NCAM1: variants seen among roughly 807,000 people sequenced by gnomAD.
NCAM1 encodes antigen recognized by monoclonal antibody 5.1H11.
In NCAM1, 14 loss-of-function variants were observed where a neutral mutation model predicts 109.8. The observed-to-expected ratio is 0.13, with a 90% CI of 0.08 to 0.20. NCAM1 has a LOEUF of 0.20. NCAM1 is among the 10% of genes least tolerant of loss of function. The pLI is 1.00. For missense variants in NCAM1, 774 were observed against 1,109.9 expected (o/e 0.70, Z 4.30); for synonymous variants, 418 against 442.9 (o/e 0.94, Z 0.70).
chr11:113,216,395 G>A (rs1270298056), intron 8 of NCAM1, among the ~76,000 whole-genome samples: 1 of 151,798 alleles, frequency 6.6e-6, no homozygotes, highest in Middle Eastern at 3.4e-3. Context: ...CTCGTGATCC[G>A]CCCGCCTCGG....
intron 1 of NCAM1, among the ~76,000 whole-genome samples, chr11:113,093,726 G>A (rs1323474816): frequency 6.6e-6 from 1 of 152,204 alleles, no homozygotes; most frequent in African/African-American, 2.4e-5. Context: ...TTCCATTTCT[G>A]ACTGCAGGGA....
intron 16 of NCAM1, 148 bp downstream of exon 16, chr11:113,256,149 C>A: frequency 2.8e-6 from 3 of 1,056,164 alleles, no homozygotes; most frequent in Non-Finnish European, 4.0e-6. Flanking sequence ...CTGGCCATGG[C>A]TTAAAATCCC....
chr11:113,263,957 G>T (rs368254158), intron 17 of NCAM1: 1 of 985,456 alleles, frequency 1.0e-6, no homozygotes, highest in Non-Finnish European at 1.2e-6. Flanking sequence ...TGGTGCGTTG[G>T]TTCAGTGACA....
chr11:112,965,757 G>A (rs1950714631), intron 1 of NCAM1, among the ~76,000 whole-genome samples: 1 of 152,184 alleles, frequency 6.6e-6, no homozygotes, highest in Non-Finnish European at 1.5e-5. Flanking sequence ...CAGACTGAAA[G>A]TGGCTTCAAT....
intron 1 of NCAM1, among the ~76,000 whole-genome samples, chr11:112,982,580 G>A (rs1951182776): frequency 6.6e-6 from 1 of 151,744 alleles, no homozygotes; most frequent in African/African-American, 2.4e-5. Flanking sequence ...GATGGGAGGT[G>A]GAATTGGAGT....
chr11:113,046,667 T>C (rs781893666), intron 1 of NCAM1, among the ~76,000 whole-genome samples: 3 of 151,620 alleles, frequency 2.0e-5, no homozygotes, highest in Non-Finnish European at 4.4e-5. Context: ...GATAGCTAGA[T>C]GGATAGCGAG....
chr11:113,146,983 G>A (rs554093325), intron 1 of NCAM1, among the ~76,000 whole-genome samples: 52 of 152,140 alleles, frequency 3.4e-4, no homozygotes, highest in Admixed American at 1.8e-3. Context: ...AGGAATGGGC[G>A]TGCCTCTTTG....
intron 17 of NCAM1, among the ~76,000 whole-genome samples, chr11:113,266,845 C>T (rs1362875902): frequency 1.3e-5 from 2 of 152,180 alleles, no homozygotes; most frequent in Admixed American, 6.5e-5. Flanking sequence ...CATTAGGGAA[C>T]CTGTACCGTG....
At chr11:113,255,244 C>G (rs566326794) in intron 15 of NCAM1, among the ~76,000 whole-genome samples, 3 of 152,260 alleles carry the variant, frequency 2.0e-5, no homozygotes, top group East Asian at 3.9e-4. Context: ...CATAAGGATA[C>G]TTACAAAAAA....
intron 1 of NCAM1, among the ~76,000 whole-genome samples, chr11:112,978,140 C>T (rs770644788): frequency 6.6e-6 from 1 of 151,666 alleles, no homozygotes; most frequent in Non-Finnish European, 1.5e-5. Flanking sequence ...ATTTTGTAAG[C>T]ATTTTCTCCT....
chr11:113,012,687 GTTC>G (rs1290247543), intron 1 of NCAM1, among the ~76,000 whole-genome samples: 2 of 152,148 alleles, frequency 1.3e-5, no homozygotes, highest in Admixed American at 6.5e-5. Flanking sequence ...GTTTCCTGGT[GTTC>G]TTCTTGTGTG....
At chr11:113,241,626 G>T (rs1167716478) in intron 14 of NCAM1, among the ~76,000 whole-genome samples, 1 of 152,204 alleles carries the variant, frequency 6.6e-6, no homozygotes, top group African/African-American at 2.4e-5. Flanking sequence ...TCTAATTAAT[G>T]TTGCTATCCT....
At chr11:113,121,685 T>G (rs898640685) in intron 1 of NCAM1, among the ~76,000 whole-genome samples, 1 of 152,274 alleles carries the variant, frequency 6.6e-6, no homozygotes, top group African/African-American at 2.4e-5. Context: ...CTCCTTCTTA[T>G]CTTGGTCAGA....
intron 15 of NCAM1, among the ~76,000 whole-genome samples, chr11:113,250,875 G>T (rs1328559131): frequency 6.6e-6 from 1 of 152,206 alleles, no homozygotes; most frequent in African/African-American, 2.4e-5. Flanking sequence ...TCTGCTCACT[G>T]CAACCTCCAC....
intron 15 of NCAM1, 102 bp downstream of exon 15, chr11:113,246,472 T>C: frequency 1.5e-6 from 1 of 686,056 alleles, no homozygotes; most frequent in East Asian, 2.7e-5. Context: ...AGCAAAGCCA[T>C]TTGAGAGATT....
At chr11:113,234,180 T>C (rs1227962271) in intron 13 of NCAM1, among the ~76,000 whole-genome samples, 1 of 151,488 alleles carries the variant, frequency 6.6e-6, no homozygotes, top group Non-Finnish European at 1.5e-5. Flanking sequence ...GCAATCACTT[T>C]GCCTTCCTAA....
chr11:112,981,920 T>G (rs1344897596), intron 1 of NCAM1, among the ~76,000 whole-genome samples: 2 of 151,922 alleles, frequency 1.3e-5, no homozygotes, highest in African/African-American at 4.8e-5. Context: ...TGGCTCTCTT[T>G]TTTTTAGAAT....
intron 1 of NCAM1, among the ~76,000 whole-genome samples, chr11:113,181,058 T>C (rs912665881): frequency 2.0e-5 from 3 of 152,238 alleles, no homozygotes; most frequent in African/African-American, 4.8e-5. Flanking sequence ...GAAATAGCAA[T>C]GCTGACTCTA....
At chr11:113,205,718 C>T (rs1944216548) in intron 4 of NCAM1, 52 bp downstream of exon 4, 3 of 1,585,782 alleles carry the variant, frequency 1.9e-6, no homozygotes, top group Admixed American at 3.5e-5. Flanking sequence ...ACCAAGTTCC[C>T]TAGCTTTTTC....
Sources: gnomAD v4.1 joint callset for allele counts (sites outside exome capture counted in the v4.1 genomes callset) on GRCh38, gnomAD v4.1.1 for gene constraint, MANE v1.5 for transcripts, NCBI Gene and HGNC (gene_info 2026-07-23, HGNC 2026-07-21) for gene names.